Variants in MAP3K14 observed in about 807,000 individuals in gnomAD.
MAP3K14 encodes NF-kappa-beta-inducing kinase.
A neutral mutation model predicts 99.2 loss-of-function variants in MAP3K14; 16 were observed. The ratio of observed to expected loss-of-function variants is 0.16; its 90% CI spans 0.11 to 0.24. The LOEUF is 0.24. MAP3K14 is among the 10% of genes least tolerant of loss of function. The pLI is 1.00. For synonymous variants in MAP3K14, 462 were observed against 492.4 expected (o/e 0.94, Z 0.82); for missense variants, 784 against 1,208.7 (o/e 0.65, Z 5.21).
chr17:45,310,808 G>T (rs925830318), intron 1 of MAP3K14, among the ~76,000 whole-genome samples: 1 of 152,138 alleles, frequency 6.6e-6, no homozygotes, highest in African/African-American at 2.4e-5. Context: ...CCTGGTAATT[G>T]TATTTTCTTA....
In MAP3K14 at chr17:45,273,623, G is replaced by T; in HGVS notation, c.1553-16C>A. The T allele has an allele frequency of 6.3e-7, 1 of 1,597,578 alleles. No homozygotes were observed. ...ACGTTGTCAGCTGCCAGGCCGCCCC[G>T]GGGAGGAAGAGGAACAGGTGAGTCA... On this transcript the variant is annotated splice_polypyrimidine_tract_variant and intron_variant, in intron 8 of 15. Transcript: ENST00000344686.
chr17:45,314,302 C>G (rs1168476585), intron 1 of MAP3K14, among the ~76,000 whole-genome samples: 1 of 152,162 alleles, frequency 6.6e-6, no homozygotes, highest in Admixed American at 6.6e-5. Flanking sequence ...AATGCAAAAC[C>G]TTCACACATG....
chr17:45,290,469 A>G, intron 2 of MAP3K14, 21 bp downstream of exon 2: 1 of 1,612,802 alleles, frequency 6.2e-7, no homozygotes, highest in Non-Finnish European at 8.5e-7. Flanking sequence ...CCCCGTGCCC[A>G]CAACAACCCT....
At chr17:45,302,607 C>G (rs751031488) in intron 1 of MAP3K14, among the ~76,000 whole-genome samples, 12 of 152,288 alleles carry the variant, frequency 7.9e-5, no homozygotes, top group Non-Finnish European at 1.3e-4. Context: ...TGTGCCCGGC[C>G]AAGTATTACT....
At chr17:45,266,244 C>T in intron 14 of MAP3K14, 1 of 335,588 alleles carries the variant, frequency 3.0e-6, no homozygotes, top group Non-Finnish European at 5.4e-6. Context: ...ATTTTCCTGA[C>T]TCCAGGTCAA....
intron 1 of MAP3K14, 54 bp from the exon 2 acceptor site, chr17:45,290,819 C>T: frequency 6.4e-7 from 1 of 1,566,986 alleles, no homozygotes; most frequent in East Asian, 2.3e-5. Context: ...CCTGGGAGAA[C>T]ACAGGTCAGC....
In MAP3K14 at chr17:45,286,604, C is replaced by T; in HGVS notation, c.979G>A (p.Ala327Thr). Residue 327 changes from alanine (A) to threonine (T), a missense_variant, in exon 5 of 16, where the codon GCC (alanine) becomes ACC (threonine). Physicochemically the swap from Ala to Thr is moderately conservative, Grantham distance 58. This residue lies in a region of MAP3K14 where 138 missense variants were observed against 164.1 expected (regional missense o/e 0.84). Transcript: ENST00000344686. The surrounding 1 kb of genome is among the most constrained non-coding windows in gnomAD (Gnocchi z 4.1). ...HLEPSCLSRG[A>T]HEKFSVEEYL... Reference sequence around the variant, plus strand: ...TCCTCCACAGAAAACTTCTCATGGGCACCACGAGACAGGCAGCTGGGCTCC... The same window carrying T: ...TCCTCCACAGAAAACTTCTCATGGGTACCACGAGACAGGCAGCTGGGCTCC... 2 of 1,611,308 alleles carry T rather than the reference C, an allele frequency of 1.2e-6. No individual in the cohort carries two copies. The highest frequency in any genetic ancestry group is 1.1e-5 in the South Asian group (1 of 90,382).
Position 45,274,698 on chromosome 17 carries a change from G to A in MAP3K14, c.1291-105C>T, listed in dbSNP as rs1414311335. The stretch of plus-strand genomic sequence containing the variant: ...TGCTCCACACACAGAGGCTGCTGCT[G>A]TTTCCAGTGGTGATGCAGGGGCCTG... On this transcript the variant is annotated intron_variant, in intron 6 of 15. Coordinates refer to ENST00000344686, the MANE Select transcript of MAP3K14 (RefSeq NM_003954.5). 4 of 1,390,970 alleles carry A rather than the reference G, an allele frequency of 2.9e-6. No individual in the cohort carries two copies. In the African/African-American group the frequency reaches 5.8e-5, roughly 20 times the overall value. 86.2% of individuals were successfully genotyped at this position (1,390,970 alleles called of 1,614,324 possible). A position where few individuals can be genotyped will look rare whatever the true frequency, so the allele number is the denominator to read the frequency against.
chr17:45,280,948 G>A (rs962640207), intron 6 of MAP3K14, among the ~76,000 whole-genome samples: 3 of 152,138 alleles, frequency 2.0e-5, no homozygotes, highest in Admixed American at 6.5e-5. Flanking sequence ...TAGAATTCAT[G>A]GATCCTATCA....
At chr17:45,284,726 C>T (rs924364613) in intron 6 of MAP3K14, 86 bp downstream of exon 6, 18 of 1,459,160 alleles carry the variant, frequency 1.2e-5, no homozygotes, top group South Asian at 4.1e-5. Context: ...GGCCACCCTG[C>T]GACTGTCCTG....
At chr17:45,297,718 T>G (rs1793245830) in intron 1 of MAP3K14, among the ~76,000 whole-genome samples, 1 of 40,742 alleles carries the variant, frequency 2.5e-5, no homozygotes, top group Non-Finnish European at 5.2e-5. Context: ...GTTTAAATCT[T>G]TTTTTTTTTT....
chr17:45,295,322 T>G (rs1315201636), intron 1 of MAP3K14, among the ~76,000 whole-genome samples: 1 of 152,022 alleles, frequency 6.6e-6, no homozygotes, highest in Non-Finnish European at 1.5e-5. Flanking sequence ...GCAACTGGCA[T>G]GTAACTCACA....
intron 1 of MAP3K14, among the ~76,000 whole-genome samples, chr17:45,311,344 C>T (rs752372333): frequency 2.8e-4 from 42 of 152,148 alleles, no homozygotes; most frequent in Non-Finnish European, 5.1e-4. Flanking sequence ...AGACAGGGAA[C>T]GAGATTATTT....
At chr17:45,309,116 C>A (rs2044452105) in intron 1 of MAP3K14, among the ~76,000 whole-genome samples, 1 of 152,206 alleles carries the variant, frequency 6.6e-6, no homozygotes, top group Non-Finnish European at 1.5e-5. Context: ...TGTGCCCAAG[C>A]AACATTTGAG....
chr17:45,308,793 G>A (rs575036657), intron 1 of MAP3K14, among the ~76,000 whole-genome samples: 3 of 151,512 alleles, frequency 2.0e-5, no homozygotes, highest in East Asian at 1.9e-4. Flanking sequence ...TCAGCCTCCC[G>A]AGTAGCTGGG....
At chr17:45,274,649 C>A in intron 6 of MAP3K14, 56 bp from the exon 7 acceptor site, 1 of 1,585,004 alleles carries the variant, frequency 6.3e-7, no homozygotes, top group East Asian at 2.2e-5. Context: ...GAGCTGGGTC[C>A]CTGGCATCCT....
chr17:45,293,739 C>A (rs1484831366), intron 1 of MAP3K14, among the ~76,000 whole-genome samples: 3 of 152,180 alleles, frequency 2.0e-5, no homozygotes, highest in Non-Finnish European at 2.9e-5. Context: ...TCACCGACAG[C>A]CTCCAAGTTC....
rs1407700378 is a variant in MAP3K14 at position 45,263,961 on chromosome 17, C to T, written c.*675G>A. ...CATGTCTGGGGACTGAGAACCACTTCACTTACACACCTTCTTTGGTCCTTG... is the reference window on the plus strand; with the variant it reads ...CATGTCTGGGGACTGAGAACCACTTTACTTACACACCTTCTTTGGTCCTTG... On this transcript the variant is annotated 3_prime_UTR_variant, in exon 16 of 16. Coordinates refer to ENST00000344686, the MANE Select transcript of MAP3K14 (RefSeq NM_003954.5). 1 of 152,334 alleles carries T rather than the reference C, an allele frequency of 6.6e-6. No homozygotes were observed. The highest frequency in any genetic ancestry group is 2.4e-5 in the African/African-American group (1 of 41,450). The allele number at this position is 152,334 out of a possible 1,614,324, so 9.4% of individuals were successfully genotyped here.
At chr17:45,294,873 T>A (rs1344343766) in intron 1 of MAP3K14, among the ~76,000 whole-genome samples, 3 of 152,202 alleles carry the variant, frequency 2.0e-5, no homozygotes, top group African/African-American at 7.2e-5. Context: ...GAGGTAAAAT[T>A]TTAAAATCAT....
Sources: allele counts gnomAD v4.1 joint callset (sites outside exome capture counted in the v4.1 genomes callset), GRCh38; gene constraint gnomAD v4.1.1; regional missense constraint gnomAD v4.1.1; non-coding constraint Gnocchi (gnomAD v3.1); transcripts MANE v1.5; gene names NCBI Gene and HGNC (gene_info 2026-07-23, HGNC 2026-07-21).